The following FREM3 variants were observed in gnomAD, a reference collection of about 807,000 sequenced individuals.
FREM3 encodes FRAS1-related extracellular matrix protein 3.
In FREM3, 105 loss-of-function variants were observed where a neutral mutation model predicts 129.1. That is an observed-to-expected ratio of 0.81 (90% CI 0.69 to 0.96). FREM3 has a LOEUF of 0.96. Among genes scored for constraint, FREM3 ranks in the 40% least tolerant of loss-of-function variants. The probability of loss-of-function intolerance (pLI) is 0.00; values close to 1 mark genes in which losing one functional copy is unlikely to be tolerated. For synonymous variants in FREM3, 1,014 were observed against 1,044.9 expected (o/e 0.97, Z 0.57); for missense variants, 2,593 against 2,666.3 (o/e 0.97, Z 0.61).
chr4:143,658,103 G>A (rs918568115), intron 2 of FREM3, among the ~76,000 whole-genome samples: 1 of 152,110 alleles, frequency 6.6e-6, no homozygotes, highest in Admixed American at 6.5e-5. Flanking sequence ...GCATAATCTG[G>A]TCTTCATAGT....
intron 6 of FREM3, among the ~76,000 whole-genome samples, chr4:143,586,802 T>C (rs866866361): frequency 1.3e-5 from 2 of 152,232 alleles, no homozygotes; most frequent in Non-Finnish European, 2.9e-5. Flanking sequence ...CAATACCTAC[T>C]ATATGTACTG....
chr4:143,694,429 A>G (rs1182730566), intron 1 of FREM3, among the ~76,000 whole-genome samples: 1 of 151,918 alleles, frequency 6.6e-6, no homozygotes, highest in Non-Finnish European at 1.5e-5. Flanking sequence ...TTTTTTTCCT[A>G]TTGGCTATTC....
chr4:143,582,279 T>TA (rs1324237609), intron 7 of FREM3, among the ~76,000 whole-genome samples: 1 of 152,082 alleles, frequency 6.6e-6, no homozygotes, highest in Non-Finnish European at 1.5e-5. Context: ...CCCACACTGT[T>TA]AGAGTGCTGA....
rs1241645977 is a variant in FREM3, at chr4:143,669,656, GA to G, written c.5275+23456del. 2.0e-3 allele frequency among the ~76,000 whole-genome samples: 255 copies of G among 127,106 alleles called. No homozygotes were observed. The South Asian group carries it at 0.024, about 12-fold the overall frequency. The allele number at this position is 127,106 out of a possible 152,430, so 83.4% of individuals were successfully genotyped here. A position where few individuals can be genotyped will look rare whatever the true frequency, so the allele number is the denominator to read the frequency against. ...TGTATTCAACTGCTTTTTCAGTTCGGAAAAAAAAAAAAAACCACAAGTCACC... is the reference window on the plus strand; with the variant it reads ...TGTATTCAACTGCTTTTTCAGTTCGGAAAAAAAAAAAAACCACAAGTCACC... On this transcript the variant is annotated intron_variant, in intron 2 of 7. Transcript: ENST00000329798.
chr4:143,668,069 A>C lies in FREM3; in HGVS notation c.5275+25044T>G, dbSNP rs1380526656. ...TTGTTATCTTATGCAAACACTTTTT[A>C]GTAAATAGATGAAAGTGTTTTATAT... On this transcript the variant is annotated intron_variant, in intron 2 of 7. Transcript: ENST00000329798. 2.0e-5 allele frequency among the ~76,000 whole-genome samples: 3 copies of C among 152,348 alleles called. No homozygotes were observed. In the East Asian group the frequency reaches 5.8e-4, roughly 29 times the overall value.
chr4:143,694,826 T>G (rs1740536548), intron 1 of FREM3, among the ~76,000 whole-genome samples: 2 of 152,206 alleles, frequency 1.3e-5, no homozygotes, highest in South Asian at 4.1e-4. Flanking sequence ...TAGGTTTACA[T>G]GTATCATGTG....
At chr4:143,596,959 G>C (rs1417184178) in intron 6 of FREM3, among the ~76,000 whole-genome samples, 2 of 151,926 alleles carry the variant, frequency 1.3e-5, no homozygotes, top group Non-Finnish European at 2.9e-5. Context: ...AATCAAGCTA[G>C]GGCTGGAGAT....
In FREM3 at chr4:143,585,854, C is replaced by G. The variant is rs1047395114; in HGVS notation, c.6168G>C (p.Glu2056Asp). The change falls in exon 7 of 8, where the codon GAG becomes GAC. Residue 2056 changes from glutamate to aspartate, a missense_variant. Around this residue, in one of 2 missense-constraint regions of FREM3, gnomAD observed 317 missense variants for 399.0 expected, o/e 0.79. Transcript: ENST00000329798. The surrounding 1 kb of genome is among the most constrained non-coding windows in gnomAD (Gnocchi z 4.2). ...IAVRSRKSEQESAEAGTDYVG... is the reference protein window; with the variant it reads ...IAVRSRKSEQDSAEAGTDYVG... ...AAGTGGCCCTCTCACCTTCTGCTGACTCCTGCTCTGACTTTCTGGAGCGCA... is the reference window on the plus strand; with the variant it reads ...AAGTGGCCCTCTCACCTTCTGCTGAGTCCTGCTCTGACTTTCTGGAGCGCA... 6.5e-7 allele frequency: 1 copy of G among 1,537,250 alleles called. No homozygotes were observed. The highest frequency in any genetic ancestry group is 8.7e-7 in the Non-Finnish European group (1 of 1,146,904).
intron 2 of FREM3, among the ~76,000 whole-genome samples, chr4:143,652,628 G>C (rs933585724): frequency 8.5e-5 from 13 of 152,118 alleles, no homozygotes; most frequent in African/African-American, 3.1e-4. Context: ...ATGCTTTCCT[G>C]CTTTTCCTCT....
chr4:143,699,969 C>T lies in FREM3; in HGVS notation c.707G>A (p.Arg236Lys). Residue 236 changes from arginine to lysine, a missense_variant, in exon 1 of 8, where the codon AGG (arginine) becomes AAG (lysine). This residue lies in a region of FREM3 where 2,276 missense variants were observed against 2,267.2 expected (regional missense o/e 1.00). Transcript: ENST00000329798. This position sits in a 1 kb window ranked among gnomAD's most constrained non-coding sequence, Gnocchi z 4.2. ...AGCCTCACAGTCTACGCCCTTGCCC[C>T]TGGGGAGAGGGGCCCCCACCGCGTC... is the stretch of plus-strand genomic sequence containing the variant. ...LVDAVGAPLP[R>K]GKGVDCEAFL... 1 of 1,510,918 alleles carries T rather than the reference C, an allele frequency of 6.6e-7. No individual in the cohort carries two copies. The highest frequency in any genetic ancestry group is 8.8e-7 in the Non-Finnish European group (1 of 1,131,618). The allele number at this position is 1,510,918 out of a possible 1,614,324, so 93.6% of individuals were successfully genotyped here.
chr4:143,698,490 C>G lies in FREM3; in HGVS notation c.2186G>C (p.Arg729Pro). Residue 729 changes from arginine (R) to proline (P), a missense_variant, in exon 1 of 8, where the codon CGA becomes CCA. Physicochemically the swap from Arg to Pro is moderately radical, Grantham distance 103. Coordinates refer to ENST00000329798, the MANE Select transcript of FREM3 (RefSeq NM_001168235.2). The part of the protein sequence containing the change: ...QLTHFQKNFL[R>P]YIDQDSDDQN... ...GTCATCAGAGTCCTGGTCAATGTAT[C>G]GGAGGAAATTCTTCTGGAAGTGAGT... The G allele has an allele frequency of 6.5e-7, 1 of 1,537,692 alleles. No homozygotes were observed. The highest frequency in any genetic ancestry group is 1.2e-5 in the South Asian group (1 of 84,054).
At chr4:143,654,578 T>C (rs182115549) in intron 2 of FREM3, among the ~76,000 whole-genome samples, 2 of 152,328 alleles carry the variant, frequency 1.3e-5, no homozygotes, top group East Asian at 3.9e-4. Context: ...AAATGATTGT[T>C]GGTAAGAATA....
chr4:143,665,711 A>G, intron 2 of FREM3, among the ~76,000 whole-genome samples: 1 of 152,146 alleles, frequency 6.6e-6, no homozygotes, highest in East Asian at 1.9e-4. Flanking sequence ...TAAATTGAAT[A>G]CAGTTCTATG....
At chr4:143,692,835 G>C (rs1740497273) in intron 2 of FREM3, among the ~76,000 whole-genome samples, 2 of 152,120 alleles carry the variant, frequency 1.3e-5, no homozygotes, top group African/African-American at 4.8e-5. Flanking sequence ...TTGCCTATAT[G>C]ATGTCACACA....
At chr4:143,593,646 C>T (rs192173348) in intron 6 of FREM3, among the ~76,000 whole-genome samples, 1 of 152,346 alleles carries the variant, frequency 6.6e-6, no homozygotes, top group East Asian at 1.9e-4. Context: ...TCCACCCCTA[C>T]TGGGAGGTGC....
chr4:143,585,759 A>T lies in FREM3; in HGVS notation c.6178+85T>A, dbSNP rs1475551012. The T allele has an allele frequency of 1.5e-6, 2 of 1,353,582 alleles. No homozygotes were observed. The highest frequency in any genetic ancestry group is 2.0e-6 in the Non-Finnish European group (2 of 1,005,988). 83.8% of individuals were successfully genotyped at this position (1,353,582 alleles called of 1,614,324 possible). A position where few individuals can be genotyped will look rare whatever the true frequency, so the allele number is the denominator to read the frequency against. On this transcript the variant is annotated intron_variant, in intron 7 of 7. Transcript: ENST00000329798. The surrounding 1 kb of genome is among the most constrained non-coding windows in gnomAD (Gnocchi z 4.2). ...TTTCATTCAGAGTCCATCAACAAAG[A>T]CTAAGCATGCTTACACTTAACAGAC...
chr4:143,606,617 A>G (rs771885622), intron 6 of FREM3, among the ~76,000 whole-genome samples: 1 of 152,112 alleles, frequency 6.6e-6, no homozygotes, highest in African/African-American at 2.4e-5. Context: ...TCACTGAAGG[A>G]TGTAGTAGAG....
intron 5 of FREM3, among the ~76,000 whole-genome samples, chr4:143,617,754 A>G (rs1222266021): frequency 2.6e-5 from 4 of 152,236 alleles, no homozygotes; most frequent in African/African-American, 9.6e-5. Context: ...CTTTCTCCTT[A>G]GCTAGCTGAT....
chr4:143,613,857 C>A (rs115427106), intron 5 of FREM3, among the ~76,000 whole-genome samples: 1 of 152,306 alleles, frequency 6.6e-6, no homozygotes, highest in South Asian at 2.1e-4. Context: ...GTAACTAACA[C>A]TATCTTCACT....
Sources: gnomAD v4.1 joint callset for allele counts (sites outside exome capture counted in the v4.1 genomes callset) on GRCh38, gnomAD v4.1.1 for gene constraint, gnomAD v4.1.1 regional missense constraint, Gnocchi (gnomAD v3.1) non-coding constraint, MANE v1.5 for transcripts, NCBI Gene and HGNC (gene_info 2026-07-23, HGNC 2026-07-21) for gene names.